Variants in CDH12 observed in about 807,000 individuals in gnomAD.
The protein encoded by CDH12 is cadherin-12.
A neutral mutation model predicts 74.1 loss-of-function variants in CDH12; 41 were observed. The observed-to-expected ratio is 0.55, with a 90% CI of 0.43 to 0.72. The LOEUF is 0.72. CDH12 is among the 30% of genes least tolerant of loss of function. The pLI is 0.00. For synonymous variants in CDH12, 399 were observed against 355.0 expected, an observed-to-expected ratio of 1.12 and a Z score of -1.39; for missense variants, 945 against 977.2, an observed-to-expected ratio of 0.97 and a Z score of 0.44.
chr5:22,153,662 T>C (rs190191359), intron 4 of CDH12, among the ~76,000 whole-genome samples: 1 of 150,108 alleles, frequency 6.7e-6, no homozygotes, highest in Non-Finnish European at 1.5e-5. Context: ...AAAGACCAAA[T>C]GAGAAACTTG....
At chr5:22,301,558 G>A (rs906973885) in intron 3 of CDH12, among the ~76,000 whole-genome samples, 3 of 152,044 alleles carry the variant, frequency 2.0e-5, no homozygotes, top group African/African-American at 7.2e-5. Context: ...GAAACATAGA[G>A]ATTTTGACTC....
chr5:22,600,851 A>C (rs1467794426), intron 1 of CDH12, among the ~76,000 whole-genome samples: 2 of 152,094 alleles, frequency 1.3e-5, no homozygotes, highest in African/African-American at 4.8e-5. Flanking sequence ...ACAGTAATTC[A>C]AGTATTTCAA....
intron 3 of CDH12, among the ~76,000 whole-genome samples, chr5:22,290,413 T>C (rs146939527): frequency 1.3e-4 from 20 of 152,026 alleles, no homozygotes; most frequent in Non-Finnish European, 2.6e-4. Context: ...AAATGATAAA[T>C]GACCAAAACG....
intron 1 of CDH12, among the ~76,000 whole-genome samples, chr5:22,705,852 A>AT (rs1051111873): frequency 1.2e-4 from 19 of 152,058 alleles, no homozygotes; most frequent in Admixed American, 6.6e-4. Context: ...TTTCTTCAGC[A>AT]TTTTTTTCAT....
In CDH12 at chr5:22,702,658, C is replaced by A. The variant is rs116700402; in HGVS notation, c.-523+150400G>T. Among the ~76,000 whole-genome samples the A allele has an allele frequency of 8.3e-4, 127 of 152,134 alleles. 1 individual carries two copies. Among genetic ancestry groups the A allele is most frequent in the African/African-American group, 3.0e-3 (125 of 41,510 alleles). On this transcript the variant is annotated intron_variant, in intron 1 of 14. Transcript: ENST00000382254. Reference sequence around the variant, plus strand: ...GATATTTTTTCCCCTCCAGCTCGGTCATGTCTTCCCATCTAGTCTATCAAA... The same window carrying A: ...GATATTTTTTCCCCTCCAGCTCGGTAATGTCTTCCCATCTAGTCTATCAAA...
intron 3 of CDH12, among the ~76,000 whole-genome samples, chr5:22,335,076 A>C (rs1739514249): frequency 1.3e-5 from 2 of 152,198 alleles, no homozygotes; most frequent in South Asian, 4.1e-4. Flanking sequence ...AGAATGGGAG[A>C]AAAAATTTCA....
intron 5 of CDH12, among the ~76,000 whole-genome samples, chr5:22,059,659 ATAT>A (rs1741046900): frequency 6.6e-6 from 1 of 152,124 alleles, no homozygotes; most frequent in African/African-American, 2.4e-5. Context: ...TAATTATCTC[ATAT>A]TATTTATGAT....
chr5:22,622,447 G>C (rs1444050957), intron 1 of CDH12, among the ~76,000 whole-genome samples: 1 of 152,082 alleles, frequency 6.6e-6, no homozygotes, highest in Non-Finnish European at 1.5e-5. Context: ...CTGATTCCCA[G>C]TGACTCCCCA....
chr5:22,263,084 A>C (rs1479087981), intron 3 of CDH12, among the ~76,000 whole-genome samples: 1 of 152,036 alleles, frequency 6.6e-6, no homozygotes, highest in Non-Finnish European at 1.5e-5. Flanking sequence ...AATACATGAA[A>C]AAATGCTCAT....
intron 1 of CDH12, among the ~76,000 whole-genome samples, chr5:22,646,721 G>A (rs73062272): frequency 6.6e-6 from 1 of 151,820 alleles, no homozygotes. Flanking sequence ...TTAGTGAGAA[G>A]AATGCAGGAC....
At chr5:22,807,968 A>T (rs886289578) in intron 1 of CDH12, among the ~76,000 whole-genome samples, 13 of 152,346 alleles carry the variant, frequency 8.5e-5, no homozygotes, top group African/African-American at 2.9e-4. Context: ...TGTATAAAAA[A>T]TAAAGTAATT....
At chr5:21,873,574 C>A (rs1007792469) in intron 6 of CDH12, among the ~76,000 whole-genome samples, 2 of 152,172 alleles carry the variant, frequency 1.3e-5, no homozygotes, top group African/African-American at 4.8e-5. Context: ...ATCCTCCAAG[C>A]ATTTTGATAA....
chr5:21,970,385 GT>G (rs1257230089), intron 6 of CDH12, among the ~76,000 whole-genome samples: 2 of 152,196 alleles, frequency 1.3e-5, no homozygotes, highest in East Asian at 1.9e-4. Flanking sequence ...AATATATCTA[GT>G]TTTTTATGTT....
chr5:22,006,879 GTAT>G (rs1561013987), intron 5 of CDH12, among the ~76,000 whole-genome samples: 2 of 151,882 alleles, frequency 1.3e-5, no homozygotes, highest in Non-Finnish European at 1.5e-5. Context: ...ATTAAAATTA[GTAT>G]TATGTTTTAT....
At chr5:22,458,377 T>G (rs553999846) in intron 2 of CDH12, among the ~76,000 whole-genome samples, 3 of 152,318 alleles carry the variant, frequency 2.0e-5, no homozygotes, top group African/African-American at 7.2e-5. Flanking sequence ...CTTAACTTGA[T>G]TCCATCTGCA....
chr5:22,479,547 G>A (rs1746301684), intron 2 of CDH12, among the ~76,000 whole-genome samples: 1 of 152,164 alleles, frequency 6.6e-6, no homozygotes, highest in Non-Finnish European at 1.5e-5. Flanking sequence ...GGGTGAGGGA[G>A]GGCTCTCCAG....
intron 9 of CDH12, among the ~76,000 whole-genome samples, chr5:21,802,760 T>G (rs1393506829): frequency 6.6e-6 from 1 of 151,772 alleles, no homozygotes; most frequent in South Asian, 2.1e-4. Flanking sequence ...CCTGGCTAAT[T>G]TTTGTATTTT....
chr5:22,260,729 CA>C (rs1008348706), intron 3 of CDH12, among the ~76,000 whole-genome samples: 3 of 151,930 alleles, frequency 2.0e-5, no homozygotes, highest in African/African-American at 7.2e-5. Context: ...ATAAAAGATA[CA>C]AATGATCAAT....
chr5:21,784,085 A>G (rs752940038), intron 10 of CDH12, among the ~76,000 whole-genome samples: 3 of 152,162 alleles, frequency 2.0e-5, no homozygotes, highest in Non-Finnish European at 2.9e-5. Flanking sequence ...TATCAGGTCA[A>G]CATTAGAAAA....
Sources: allele counts gnomAD v4.1 joint callset (sites outside exome capture counted in the v4.1 genomes callset), GRCh38; gene constraint gnomAD v4.1.1; transcripts MANE v1.5; gene names NCBI Gene and HGNC (gene_info 2026-07-23, HGNC 2026-07-21).